The following TENM2 variants were observed in gnomAD, a reference collection of about 807,000 sequenced individuals.
TENM2 encodes the protein teneurin-2.
Under a neutral mutation model 245.2 loss-of-function variants are expected in TENM2, and 52 were observed. The ratio of observed to expected loss-of-function variants is 0.21; its 90% CI spans 0.17 to 0.27. TENM2 has a LOEUF of 0.27. Among genes scored for constraint, TENM2 ranks in the 10% least tolerant of loss-of-function variants. The probability of loss-of-function intolerance (pLI) is 1.00; values close to 1 mark genes in which losing one functional copy is unlikely to be tolerated. For missense variants in TENM2, 3,046 were observed against 3,666.8 expected (o/e 0.83, Z 4.37); for synonymous variants, 1,363 against 1,438.9 (o/e 0.95, Z 1.19).
chr5:167,762,456 C>A (rs1399859923), intron 2 of TENM2, among the ~76,000 whole-genome samples: 1 of 152,164 alleles, frequency 6.6e-6, no homozygotes, highest in African/African-American at 2.4e-5. Flanking sequence ...TCCCTCCCTT[C>A]CTCTCGTTAT....
chr5:167,353,576 C>T (rs1410751311), intron 1 of TENM2, among the ~76,000 whole-genome samples: 3 of 121,726 alleles, frequency 2.5e-5, no homozygotes, highest in South Asian at 3.0e-4. Flanking sequence ...GGCGGGATCT[C>T]GGCTCACTGC....
intron 2 of TENM2, among the ~76,000 whole-genome samples, chr5:167,601,801 G>A (rs1283322205): frequency 6.6e-6 from 1 of 152,090 alleles, no homozygotes; most frequent in African/African-American, 2.4e-5. Flanking sequence ...GCTTATGCTA[G>A]TGCTTAGTAA....
At chr5:167,924,387 CGTT>C (rs1366275618) in intron 3 of TENM2, among the ~76,000 whole-genome samples, 2 of 152,188 alleles carry the variant, frequency 1.3e-5, no homozygotes, top group Admixed American at 1.3e-4. Context: ...ATGGGCCAAA[CGTT>C]GTTTTTCTCG....
At chr5:167,666,741 A>G (rs2150339368) in intron 2 of TENM2, among the ~76,000 whole-genome samples, 1 of 152,296 alleles carries the variant, frequency 6.6e-6, no homozygotes, top group East Asian at 1.9e-4. Context: ...CTGGAAAGCA[A>G]AGTGGCCTAC....
At chr5:167,173,459 G>C in the TENM2 span, among the ~76,000 whole-genome samples, 1 of 152,144 alleles carries the variant, frequency 6.6e-6, no homozygotes, top group African/African-American at 2.4e-5. Flanking sequence ...TAATTGGAAG[G>C]CTCCTCTGGG....
chr5:167,290,252 A>G (rs2127718347), intron 1 of TENM2, among the ~76,000 whole-genome samples: 1 of 152,284 alleles, frequency 6.6e-6, no homozygotes, highest in Non-Finnish European at 1.5e-5. Context: ...CTTTGTCCAT[A>G]TCCCAGTGCT....
At chr5:167,859,511 G>T (rs1771490251) in intron 2 of TENM2, among the ~76,000 whole-genome samples, 1 of 111,426 alleles carries the variant, frequency 9.0e-6, no homozygotes, top group South Asian at 3.5e-4. Flanking sequence ...GGAGATGGGG[G>T]GGTCAGCCCC....
At chr5:168,119,116 A>G (rs1795295273) in intron 10 of TENM2, among the ~76,000 whole-genome samples, 1 of 152,238 alleles carries the variant, frequency 6.6e-6, no homozygotes, top group African/African-American at 2.4e-5. Context: ...TAGAAACACC[A>G]TGTAGGGCAA....
At chr5:167,250,316 A>T in the TENM2 span, among the ~76,000 whole-genome samples, 1 of 152,100 alleles carries the variant, frequency 6.6e-6, no homozygotes, top group African/African-American at 2.4e-5. Flanking sequence ...GTGAGACCTT[A>T]TCTCATAAAA....
At chr5:167,032,116 A>G in the TENM2 span, among the ~76,000 whole-genome samples, 1 of 152,176 alleles carries the variant, frequency 6.6e-6, no homozygotes. Context: ...GAATAAGTAC[A>G]ATTTTACTCA....
At chr5:168,046,312 C>A (rs1334802104) in intron 5 of TENM2, among the ~76,000 whole-genome samples, 3 of 152,226 alleles carry the variant, frequency 2.0e-5, no homozygotes, top group Non-Finnish European at 4.4e-5. Context: ...GTCAACAGCC[C>A]TTTCTCTCCT....
intron 5 of TENM2, among the ~76,000 whole-genome samples, chr5:168,042,508 T>C (rs1788278327): frequency 6.6e-6 from 1 of 152,020 alleles, no homozygotes; most frequent in Admixed American, 6.5e-5. Flanking sequence ...GGCCCACACA[T>C]TCCCTAATTA....
At chr5:166,989,252 CTTTTTTTTTTTT>C in the TENM2 span, among the ~76,000 whole-genome samples, 96 of 56,970 alleles carry the variant, frequency 1.7e-3, 2 homozygotes, top group African/African-American at 7.7e-3. Flanking sequence ...CCAAGCTAAT[CTTTTTTTTTTTT>C]TTTTTTTTTT....
intron 2 of TENM2, among the ~76,000 whole-genome samples, chr5:167,556,212 G>C (rs996981478): frequency 3.9e-5 from 6 of 151,992 alleles, no homozygotes; most frequent in Non-Finnish European, 7.4e-5. Flanking sequence ...TGATTTAATT[G>C]CAAGTTTCTA....
chr5:167,482,633 CAG>C (rs1295206773), intron 2 of TENM2, among the ~76,000 whole-genome samples: 1 of 152,136 alleles, frequency 6.6e-6, no homozygotes, highest in African/African-American at 2.4e-5. Context: ...CTTGATAAAA[CAG>C]AGGTTGCTTT....
At chr5:168,169,680 C>T (rs995489983) in intron 13 of TENM2, among the ~76,000 whole-genome samples, 33 of 152,320 alleles carry the variant, frequency 2.2e-4, no homozygotes, top group African/African-American at 7.7e-4. Flanking sequence ...TTCAGGGACT[C>T]CAAAAGGGTT....
At chr5:167,553,652 A>T (rs1303239721) in intron 2 of TENM2, among the ~76,000 whole-genome samples, 1 of 152,172 alleles carries the variant, frequency 6.6e-6, no homozygotes, top group Non-Finnish European at 1.5e-5. Flanking sequence ...GGCTTTCAGG[A>T]TCAGCATGCC....
At position 167,959,499 on chromosome 5, in the gene TENM2, A is replaced by G. The variant is rs1780833705; in HGVS notation, c.947+6677A>G. Among the ~76,000 whole-genome samples, 5 of 152,266 alleles carry G rather than the reference A, an allele frequency of 3.3e-5. No homozygotes were observed. In the South Asian group the frequency reaches 8.3e-4, roughly 25 times the overall value. ...TTCCACTTAATCTATTTGGCTATTG[A>G]TACTTGTGTATGCTTCACGAAGTTC... is the stretch of plus-strand genomic sequence containing the variant. On this transcript the variant is annotated intron_variant, in intron 4 of 28. Coordinates refer to ENST00000518659, the Ensembl canonical transcript of TENM2.
intron 13 of TENM2, among the ~76,000 whole-genome samples, chr5:168,163,749 T>C (rs1307802106): frequency 1.3e-5 from 2 of 152,158 alleles, no homozygotes; most frequent in African/African-American, 4.8e-5. Context: ...AGTTTTCCAG[T>C]GTGTATATAC....
Sources: allele counts gnomAD v4.1 joint callset (sites outside exome capture counted in the v4.1 genomes callset), GRCh38; gene constraint gnomAD v4.1.1; transcripts MANE v1.5; gene names NCBI Gene and HGNC (gene_info 2026-07-23, HGNC 2026-07-21).